Variants in GRB14 observed in about 807,000 individuals in gnomAD.
GRB14 encodes the protein growth factor receptor bound protein 14.
GRB14 carries 38 observed loss-of-function variants against 69.1 expected under a neutral mutation model. The ratio of observed to expected loss-of-function variants is 0.55; its 90% CI spans 0.42 to 0.72. GRB14 has a LOEUF of 0.72. Among genes scored for constraint, GRB14 ranks in the 30% least tolerant of loss-of-function variants. The pLI, the probability that GRB14 is intolerant of heterozygous loss-of-function variation, is 0.00. For missense variants in GRB14, 666 were observed against 666.1 expected (o/e 1.00, Z 0.00); for synonymous variants, 247 against 241.3 (o/e 1.02, Z -0.22).
chr2:164,570,899 G>C (rs1396809742), intron 2 of GRB14, among the ~76,000 whole-genome samples: 1 of 152,162 alleles, frequency 6.6e-6, no homozygotes, highest in Non-Finnish European at 1.5e-5. Context: ...TGTGTGATAG[G>C]TCATCCCTTC....
At chr2:164,525,166 C>A in intron 4 of GRB14, 88 bp from the exon 5 acceptor site, 2 of 897,898 alleles carry the variant, frequency 2.2e-6, no homozygotes, top group South Asian at 1.5e-5. Context: ...AGCAAAAGTT[C>A]TTTAAACTGG....
At chr2:164,600,067 G>C (rs947790228) in intron 2 of GRB14, among the ~76,000 whole-genome samples, 1 of 152,076 alleles carries the variant, frequency 6.6e-6, no homozygotes, top group African/African-American at 2.4e-5. Flanking sequence ...ATGCAACCTA[G>C]AATAATTCAA....
intron 2 of GRB14, among the ~76,000 whole-genome samples, chr2:164,583,623 A>G (rs1176409195): frequency 1.3e-5 from 2 of 152,232 alleles, no homozygotes; most frequent in Non-Finnish European, 2.9e-5. Flanking sequence ...GTGTATAACT[A>G]CAAGGTAATA....
At chr2:164,512,409 C>T (rs1046456137) in intron 6 of GRB14, among the ~76,000 whole-genome samples, 1 of 152,146 alleles carries the variant, frequency 6.6e-6, no homozygotes. Context: ...TCAGGTAATC[C>T]ACCCACCTTG....
intron 2 of GRB14, among the ~76,000 whole-genome samples, chr2:164,563,345 C>T (rs530062812): frequency 6.4e-4 from 98 of 152,312 alleles, no homozygotes; most frequent in South Asian, 3.7e-3. Flanking sequence ...CCAATATCCA[C>T]CCTTCCTCTC....
At chr2:164,569,242 G>A (rs537413962) in intron 2 of GRB14, among the ~76,000 whole-genome samples, 45 of 152,224 alleles carry the variant, frequency 3.0e-4, no homozygotes, top group African/African-American at 1.0e-3. Context: ...CATAAAAACT[G>A]AAAAGTTTAT....
At chr2:164,523,176 T>A (rs1010326591) in intron 5 of GRB14, among the ~76,000 whole-genome samples, 2 of 152,086 alleles carry the variant, frequency 1.3e-5, no homozygotes, top group Non-Finnish European at 2.9e-5. Context: ...TGAGTCAACG[T>A]GCCTCAGAGA....
At chr2:164,525,403 G>C (rs1483894087) in intron 4 of GRB14, among the ~76,000 whole-genome samples, 2 of 152,034 alleles carry the variant, frequency 1.3e-5, no homozygotes, top group Non-Finnish European at 2.9e-5. Context: ...CAGCCTATCA[G>C]GTCAAAAGGA....
chr2:164,614,272 T>C (rs1270774347), intron 2 of GRB14, among the ~76,000 whole-genome samples: 1 of 152,254 alleles, frequency 6.6e-6, no homozygotes, highest in Non-Finnish European at 1.5e-5. Flanking sequence ...TCATTCTTTC[T>C]GCATATATGT....
chr2:164,540,603 G>T (rs552371650), intron 3 of GRB14, among the ~76,000 whole-genome samples: 55 of 151,854 alleles, frequency 3.6e-4, no homozygotes, highest in African/African-American at 1.2e-3. Context: ...AGTGAGACTC[G>T]GTCTCTAAAT....
intron 3 of GRB14, among the ~76,000 whole-genome samples, chr2:164,534,046 T>TA (rs1452346259): frequency 6.6e-6 from 1 of 152,046 alleles, no homozygotes; most frequent in Non-Finnish European, 1.5e-5. Flanking sequence ...CATCAAGAAA[T>TA]AGAGTATGTG....
chr2:164,492,883 T>C lies in GRB14; in HGVS notation c.*153A>G, dbSNP rs1686792162. On this transcript the variant is annotated 3_prime_UTR_variant, in exon 14 of 14. Coordinates refer to ENST00000263915, the MANE Select transcript of GRB14 (RefSeq NM_004490.3). ...ATGAATGTAAAGTCAATCCAAGTCT[T>C]TGCTTATTTGCAATGCACAAACTAT... 2 of 580,372 alleles carry C rather than the reference T, an allele frequency of 3.4e-6. No homozygotes were observed. The highest frequency in any genetic ancestry group is 7.3e-5 in the Admixed American group (2 of 27,578). 36.0% of individuals were successfully genotyped at this position (580,372 alleles called of 1,614,324 possible).
intron 12 of GRB14, among the ~76,000 whole-genome samples, 165 bp downstream of exon 12, chr2:164,496,843 A>G (rs1574239601): frequency 6.6e-6 from 1 of 152,194 alleles, no homozygotes; most frequent in Non-Finnish European, 1.5e-5. Flanking sequence ...CAGGTATAAT[A>G]TAGATACTGT....
chr2:164,528,482 C>T (rs1266330607), intron 3 of GRB14, among the ~76,000 whole-genome samples: 1 of 152,084 alleles, frequency 6.6e-6, no homozygotes, highest in African/African-American at 2.4e-5. Context: ...TGACCTACAA[C>T]ACCCAAACTC....
chr2:164,534,480 A>G lies in GRB14; in HGVS notation c.482-7345T>C, dbSNP rs537146637. On this transcript the variant is annotated intron_variant, in intron 3 of 13. Coordinates refer to ENST00000263915, the MANE Select transcript of GRB14 (RefSeq NM_004490.3). ...CTAGTAGACAGAAAATTCAACAGGA[A>G]TATACAAGATGACTAGATGGACTAC... 3.3e-5 allele frequency among the ~76,000 whole-genome samples: 5 copies of G among 152,300 alleles called. No homozygotes were observed. The South Asian group carries it at 1.0e-3, about 32-fold the overall frequency.
chr2:164,525,428 T>A (rs930738198), intron 4 of GRB14, among the ~76,000 whole-genome samples: 1 of 152,050 alleles, frequency 6.6e-6, no homozygotes, highest in Non-Finnish European at 1.5e-5. Context: ...CCATGACATT[T>A]TACAAGGAAC....
intron 3 of GRB14, among the ~76,000 whole-genome samples, chr2:164,528,699 T>C (rs1217414847): frequency 6.6e-6 from 1 of 152,058 alleles, no homozygotes; most frequent in Non-Finnish European, 1.5e-5. Flanking sequence ...CTCTTTTCTT[T>C]CTCCCCCTAT....
At chr2:164,586,298 T>G (rs1404753525) in intron 2 of GRB14, among the ~76,000 whole-genome samples, 1 of 152,210 alleles carries the variant, frequency 6.6e-6, no homozygotes, top group Non-Finnish European at 1.5e-5. Context: ...GGAGTTAATC[T>G]TTCCTGGACA....
chr2:164,513,978 C>T (rs1687410365), intron 6 of GRB14, among the ~76,000 whole-genome samples: 1 of 152,148 alleles, frequency 6.6e-6, no homozygotes, highest in Non-Finnish European at 1.5e-5. Flanking sequence ...AACCAGGCAG[C>T]ACTGTAGAAT....
Sources: gnomAD v4.1 joint callset for allele counts (sites outside exome capture counted in the v4.1 genomes callset) on GRCh38, gnomAD v4.1.1 for gene constraint, MANE v1.5 for transcripts, NCBI Gene and HGNC (gene_info 2026-07-23, HGNC 2026-07-21) for gene names.